EPHB1: variants seen among roughly 807,000 people sequenced by gnomAD.
EPHB1 encodes the protein EPH receptor B1.
In EPHB1, 30 loss-of-function variants were observed where a neutral mutation model predicts 94.4. The ratio of observed to expected loss-of-function variants is 0.32; its 90% CI spans 0.24 to 0.43. The LOEUF (loss-of-function observed/expected upper bound fraction) is 0.43. Among genes scored for constraint, EPHB1 ranks in the 20% least tolerant of loss-of-function variants. The probability of loss-of-function intolerance (pLI) is 1.00; values close to 1 mark genes in which losing one functional copy is unlikely to be tolerated. For missense variants in EPHB1, 1,055 were observed against 1,308.3 expected (o/e 0.81, Z 2.99); for synonymous variants, 522 against 489.1 (o/e 1.07, Z -0.89).
Position 135,251,910 on chromosome 3 carries a change from C to T in EPHB1, c.2846+2419C>T, listed in dbSNP as rs923148922. 5.9e-5 allele frequency among the ~76,000 whole-genome samples: 9 copies of T among 152,322 alleles called. No individual in the cohort carries two copies. The South Asian group carries it at 1.7e-3, about 28-fold the overall frequency. On this transcript the variant is annotated intron_variant, in intron 15 of 15. Transcript: ENST00000398015. Reference sequence around the variant, plus strand: ...TTCTGCCAGCATCCCTGCATGGGTGCTGAGAACCAACTTCTCTTGTATTTG... The same window carrying T: ...TTCTGCCAGCATCCCTGCATGGGTGTTGAGAACCAACTTCTCTTGTATTTG...
At chr3:134,804,251 T>C (rs1454308566) in intron 1 of EPHB1, among the ~76,000 whole-genome samples, 2 of 152,006 alleles carry the variant, frequency 1.3e-5, no homozygotes, top group Non-Finnish European at 2.9e-5. Context: ...GCATTTCTTA[T>C]ATGGCAGTGG....
intron 3 of EPHB1, among the ~76,000 whole-genome samples, chr3:135,105,726 C>T (rs1939190716): frequency 6.6e-6 from 1 of 152,196 alleles, no homozygotes; most frequent in Non-Finnish European, 1.5e-5. Flanking sequence ...CTGCCATGTG[C>T]ATGATAGATG....
chr3:135,163,842 A>G (rs1050691409), intron 7 of EPHB1, among the ~76,000 whole-genome samples: 4 of 152,178 alleles, frequency 2.6e-5, no homozygotes, highest in East Asian at 1.9e-4. Flanking sequence ...AGGTTCACAC[A>G]TGGGTACGGA....
At chr3:135,144,246 C>T (rs1051563950) in intron 5 of EPHB1, among the ~76,000 whole-genome samples, 3 of 152,194 alleles carry the variant, frequency 2.0e-5, no homozygotes, top group Non-Finnish European at 1.5e-5. Flanking sequence ...ATCTTCATTG[C>T]TCTAATCTAT....
chr3:135,229,967 A>G (rs1418776449), intron 12 of EPHB1, among the ~76,000 whole-genome samples: 1 of 152,148 alleles, frequency 6.6e-6, no homozygotes, highest in African/African-American at 2.4e-5. Context: ...GAAACCCTGG[A>G]GACATGGGGA....
intron 10 of EPHB1, among the ~76,000 whole-genome samples, chr3:135,182,427 C>A (rs1479471010): frequency 6.6e-6 from 1 of 152,086 alleles, no homozygotes; most frequent in Admixed American, 6.5e-5. Context: ...CTCTTCTTCC[C>A]TCAGGCTTTT....
chr3:134,980,061 C>T (rs1934347421), intron 3 of EPHB1, among the ~76,000 whole-genome samples: 1 of 152,212 alleles, frequency 6.6e-6, no homozygotes, highest in Non-Finnish European at 1.5e-5. Context: ...TTTGACAGGG[C>T]ATGACAGGAA....
chr3:135,037,215 G>T (rs2107763551), intron 3 of EPHB1, among the ~76,000 whole-genome samples: 1 of 152,304 alleles, frequency 6.6e-6, no homozygotes, highest in African/African-American at 2.4e-5. Flanking sequence ...CCTTACTCCA[G>T]ATGCACTCTG....
chr3:135,011,091 T>C lies in EPHB1; in HGVS notation c.805+59039T>C, dbSNP rs570880663. ...GAGAATGCTTGAATCTTCTTGCCTA[T>C]TTGTGTACATGGGGTTGCAGGGGCA... On this transcript the variant is annotated intron_variant, in intron 3 of 15. Transcript: ENST00000398015. 2.0e-5 allele frequency among the ~76,000 whole-genome samples: 3 copies of C among 152,330 alleles called. No individual in the cohort carries two copies. In the East Asian group the frequency reaches 5.8e-4, roughly 29 times the overall value.
intron 3 of EPHB1, among the ~76,000 whole-genome samples, chr3:135,094,427 C>T (rs574294459): frequency 3.3e-5 from 5 of 152,242 alleles, no homozygotes; most frequent in South Asian, 4.2e-4. Flanking sequence ...GGGGGCAGAT[C>T]GACATGTTTA....
rs1188864013 is a variant in EPHB1 at position 135,018,729 on chromosome 3, AAC to A, written c.805+66679_805+66680del. Among the ~76,000 whole-genome samples, 4 of 152,202 alleles carry A rather than the reference AAC, an allele frequency of 2.6e-5. No individual in the cohort carries two copies. The East Asian group carries it at 7.7e-4, about 29-fold the overall frequency. On this transcript the variant is annotated intron_variant, in intron 3 of 15. Transcript: ENST00000398015. ...CCATCTGTGAGCCTCGCAGGACACA[AAC>A]AGTGTCTCATTCTTCTTGGGGACAT...
chr3:135,099,437 AG>A (rs1938948195), intron 3 of EPHB1, among the ~76,000 whole-genome samples: 1 of 152,206 alleles, frequency 6.6e-6, no homozygotes, highest in South Asian at 2.1e-4. Context: ...CATGAATATA[AG>A]GGGAAATGGG....
At chr3:135,258,895 TAG>T in intron 15 of EPHB1, 115 bp from the exon 16 acceptor site, 1 of 883,620 alleles carries the variant, frequency 1.1e-6, no homozygotes, top group Non-Finnish European at 1.8e-6. Flanking sequence ...AAACTTAAGC[TAG>T]TTGGATTTTT....
At chr3:134,919,339 G>A (rs2038631205) in intron 1 of EPHB1, among the ~76,000 whole-genome samples, 1 of 152,194 alleles carries the variant, frequency 6.6e-6, no homozygotes. Context: ...CTTGGAACAT[G>A]TTCTCTTTGA....
At chr3:134,848,339 CAG>C (rs2036916188) in intron 1 of EPHB1, among the ~76,000 whole-genome samples, 1 of 152,142 alleles carries the variant, frequency 6.6e-6, no homozygotes, top group Non-Finnish European at 1.5e-5. Flanking sequence ...ATTTGGATAA[CAG>C]AGCAATTTTA....
chr3:134,986,711 A>AACACACACACACACACACACAC (rs60628273), intron 3 of EPHB1, among the ~76,000 whole-genome samples: 61 of 145,720 alleles, frequency 4.2e-4, no homozygotes, highest in African/African-American at 1.2e-3. Flanking sequence ...TAAAGATATT[A>AACACACACACACACACACACAC]ACACACACAC....
intron 1 of EPHB1, among the ~76,000 whole-genome samples, chr3:134,815,725 T>C (rs924369222): frequency 6.6e-6 from 1 of 152,204 alleles, no homozygotes; most frequent in African/African-American, 2.4e-5. Context: ...ATGTAGCTAT[T>C]TTTATTCAGC....
intron 3 of EPHB1, among the ~76,000 whole-genome samples, chr3:135,046,053 G>A (rs941403067): frequency 2.0e-5 from 3 of 152,198 alleles, no homozygotes; most frequent in African/African-American, 7.2e-5. Flanking sequence ...GCAAAAGTGA[G>A]GCTATAGCTG....
At chr3:135,113,954 T>C (rs1262139059) in intron 4 of EPHB1, among the ~76,000 whole-genome samples, 1 of 152,220 alleles carries the variant, frequency 6.6e-6, no homozygotes, top group African/African-American at 2.4e-5. Flanking sequence ...CAAGGTTCAG[T>C]AGAAAAGTCA....
Sources: gnomAD v4.1 joint callset for allele counts (sites outside exome capture counted in the v4.1 genomes callset) on GRCh38, gnomAD v4.1.1 for gene constraint, MANE v1.5 for transcripts, NCBI Gene and HGNC (gene_info 2026-07-23, HGNC 2026-07-21) for gene names.